The following RAB37 variants were observed in gnomAD, a reference collection of about 807,000 sequenced individuals.
RAB37 encodes the protein RAB37, member RAS oncogene family, also known as ras-related protein Rab-37.
RAB37 carries 29 observed loss-of-function variants against 33.1 expected under a neutral mutation model. The ratio of observed to expected loss-of-function variants is 0.88; its 90% CI spans 0.65 to 1.20. RAB37 has a LOEUF of 1.20. Among genes scored for constraint, RAB37 ranks in the 50% most tolerant of loss-of-function variants. RAB37 has a pLI of 0.00. For missense variants in RAB37, 299 were observed against 301.1 expected, an observed-to-expected ratio of 0.99 and a Z score of 0.05; for synonymous variants, 128 against 119.5, an observed-to-expected ratio of 1.07 and a Z score of -0.47.
intron 1 of RAB37, among the ~76,000 whole-genome samples, chr17:74,690,481 C>T (rs1448483781): frequency 2.0e-5 from 3 of 152,308 alleles, no homozygotes; most frequent in African/African-American, 7.2e-5. Context: ...TTGCAATAAA[C>T]GTGCTGGCCA....
intron 1 of RAB37, among the ~76,000 whole-genome samples, chr17:74,684,892 GAT>G (rs1436750158): frequency 1.3e-5 from 2 of 151,846 alleles, no homozygotes; most frequent in African/African-American, 4.8e-5. Flanking sequence ...TAGATAGATA[GAT>G]AGATAGATCC....
At position 74,671,953 on chromosome 17, in the gene RAB37, C is replaced by A. The variant is rs1379301542; in HGVS notation, c.72+295C>A. Among the ~76,000 whole-genome samples the A allele has an allele frequency of 6.6e-6, 1 of 152,098 alleles. No homozygotes were observed. Among genetic ancestry groups the A allele is most frequent in the Non-Finnish European group, 1.5e-5 (1 of 68,002 alleles). ...TTGCCTATTTATGCCCCTGGGTGAC[C>A]CCTGGCACCTTGCTCTCCTAACCCT... On this transcript the variant is annotated intron_variant, in intron 1 of 7. Coordinates refer to the RAB37 transcript ENST00000340415. This position sits in a 1 kb window ranked among gnomAD's most constrained non-coding sequence, Gnocchi z 5.0.
Position 74,745,378 on chromosome 17 carries a change from G to A in RAB37, c.639G>A (p.Gln213=). Residue 213 remains glutamine, a synonymous_variant, in exon 9 of 9, where the codon CAG becomes CAA. Transcript: ENST00000392613. This position sits in a 1 kb window ranked among gnomAD's most constrained non-coding sequence, Gnocchi z 4.5. The stretch of plus-strand genomic sequence containing the variant: ...AGATCCGAGACTATGTAGAGTCCCA[G>A]AAGAAGCGCTCCAGCTGCTGCTCCT... ...SFQIRDYVES[Q]KKRSSCCSFM is the part of the protein sequence containing the mutation. The A allele has an allele frequency of 6.2e-7, 1 of 1,614,134 alleles. No homozygotes were observed. Among genetic ancestry groups the A allele is most frequent in the South Asian group, 1.1e-5 (1 of 91,086 alleles).
intron 1 of RAB37, among the ~76,000 whole-genome samples, chr17:74,725,153 C>T (rs1428350938): frequency 1.3e-5 from 2 of 152,216 alleles, no homozygotes; most frequent in Middle Eastern, 3.2e-3. Flanking sequence ...AAGTTCCACA[C>T]TAAAATGTGG....
At chr17:74,700,739 A>G (rs2032972607) in intron 1 of RAB37, among the ~76,000 whole-genome samples, 1 of 152,118 alleles carries the variant, frequency 6.6e-6, no homozygotes, top group Admixed American at 6.5e-5. Context: ...GTGACAGAGC[A>G]ACACTCCGTC....
At chr17:74,695,129 C>T in intron 1 of RAB37, 2 of 1,614,118 alleles carry the variant, frequency 1.2e-6, no homozygotes, top group Non-Finnish European at 1.7e-6. Context: ...ATTCCGTGGG[C>T]TCCTCAGGGC....
intron 1 of RAB37, among the ~76,000 whole-genome samples, chr17:74,722,282 CAAA>C (rs375629072): frequency 1.5e-4 from 10 of 65,568 alleles, no homozygotes; most frequent in Admixed American, 3.7e-4. Context: ...GACTCTGTCT[CAAA>C]AAAAAAAAAA....
intron 1 of RAB37, among the ~76,000 whole-genome samples, chr17:74,688,276 G>A (rs998630177): frequency 2.0e-5 from 3 of 152,194 alleles, no homozygotes; most frequent in African/African-American, 4.8e-5. Flanking sequence ...TTGGCCGGGC[G>A]TGGTGGCTCA....
intron 1 of RAB37, among the ~76,000 whole-genome samples, chr17:74,700,818 C>T (rs2032983982): frequency 6.6e-6 from 1 of 152,084 alleles, no homozygotes; most frequent in Non-Finnish European, 1.5e-5. Flanking sequence ...ACCCCCCCAC[C>T]CCAATCCATA....
chr17:74,681,521 A>G lies in RAB37; in HGVS notation c.72+9863A>G, dbSNP rs112120890. On this transcript the variant is annotated intron_variant, in intron 1 of 7. Coordinates refer to the RAB37 transcript ENST00000340415. The stretch of plus-strand genomic sequence containing the variant: ...CCCTTCCATGACCATCTCCAAAGAC[A>G]TGGGCTGAAAAACACTCAACCAAAC... Among the ~76,000 whole-genome samples, 788 of 152,310 alleles carry G rather than the reference A, an allele frequency of 5.2e-3. 9 individuals are homozygous for G. The highest frequency in any genetic ancestry group is 0.018 in the East Asian group (93 of 5,182).
At chr17:74,734,991 G>A (rs947549847), upstream of RAB37, among the ~76,000 whole-genome samples, 28 of 102,382 alleles carry the variant, frequency 2.7e-4, no homozygotes, top group Non-Finnish European at 5.3e-4. Context: ...GAAAAAGAAA[G>A]GAAGAAAGAA....
At chr17:74,673,780 G>A (rs2031759115) in intron 1 of RAB37, among the ~76,000 whole-genome samples, 1 of 152,138 alleles carries the variant, frequency 6.6e-6, no homozygotes, top group South Asian at 2.1e-4. Flanking sequence ...GGCTGTGTGA[G>A]CACCCTGAGA....
Position 74,675,220 on chromosome 17 carries a change from A to G in RAB37, c.72+3562A>G, listed in dbSNP as rs183224834. On this transcript the variant is annotated intron_variant, in intron 1 of 7. Coordinates refer to the RAB37 transcript ENST00000340415. ...GGGAGGCCAAGGAGGATGAATCATG[A>G]GGTCAGGAGATCGAGACCATCCTGG... Among the ~76,000 whole-genome samples, 456 of 152,232 alleles carry G rather than the reference A, an allele frequency of 3.0e-3. 3 individuals are homozygous for G. The highest frequency in any genetic ancestry group is 0.022 in the South Asian group (107 of 4,822).
Position 74,745,601 on chromosome 17 carries a change from A to G in RAB37, c.*190A>G, listed in dbSNP as rs2034742914. On this transcript the variant is annotated 3_prime_UTR_variant, in exon 9 of 9. Coordinates refer to ENST00000392613, the MANE Select transcript of RAB37 (RefSeq NM_001006638.3). The surrounding 1 kb of genome is among the most constrained non-coding windows in gnomAD (Gnocchi z 4.5). ...CTGCGGTCTCCCCGCATCCACAGGGAGGGTAAAACACTTAGCTTTTATTTT... is the reference window on the plus strand; with the variant it reads ...CTGCGGTCTCCCCGCATCCACAGGGGGGGTAAAACACTTAGCTTTTATTTT... 12 of 583,040 alleles carry G rather than the reference A, an allele frequency of 2.1e-5. No homozygotes were observed. The East Asian group carries it at 3.4e-4, about 17-fold the overall frequency. The allele number at this position is 583,040 out of a possible 1,614,324, so 36.1% of individuals were successfully genotyped here.
rs1320026989 is a variant in RAB37, at chr17:74,746,610, T to TTAA, written c.*1200_*1202dup. 1 of 152,124 alleles carries TTAA rather than the reference T, an allele frequency of 6.6e-6. No individual in the cohort carries two copies. Among genetic ancestry groups the TTAA allele is most frequent in the Non-Finnish European group, 1.5e-5 (1 of 68,012 alleles). 9.4% of individuals were successfully genotyped at this position (152,124 alleles called of 1,614,324 possible). On this transcript the variant is annotated 3_prime_UTR_variant, in exon 9 of 9. Transcript: ENST00000392613. The surrounding 1 kb of genome is among the most constrained non-coding windows in gnomAD (Gnocchi z 5.2). ...AGCTGAAGTGTTTAGCCCTCCTGGG[T>TTAA]TAAGAGCCAGATAAGGAGAAATCCC...
At chr17:74,735,409 A>G (rs968912283), upstream of RAB37, among the ~76,000 whole-genome samples, 2 of 152,170 alleles carry the variant, frequency 1.3e-5, no homozygotes, top group Non-Finnish European at 2.9e-5. Context: ...GGTGGCGTGC[A>G]CCTGTAGTCC....
rs1267855741 is a variant in RAB37, at chr17:74,729,084, T to C, written c.73-172T>C. On this transcript the variant is annotated intron_variant, in intron 1 of 7. Transcript: ENST00000340415. The surrounding 1 kb of genome is among the most constrained non-coding windows in gnomAD (Gnocchi z 4.2). ...GTTCTGTGTATGTGTGTACATGTTT[T>C]TCTATGTCTGTATGTGTGTGTCAGT... 6.6e-6 allele frequency among the ~76,000 whole-genome samples: 1 copy of C among 152,040 alleles called. No homozygotes were observed. Among genetic ancestry groups the C allele is most frequent in the Non-Finnish European group, 1.5e-5 (1 of 68,006 alleles).
chr17:74,728,833 ATG>A (rs1293597170), intron 1 of RAB37, among the ~76,000 whole-genome samples: 1 of 145,454 alleles, frequency 6.9e-6, no homozygotes, highest in South Asian at 2.2e-4. Context: ...CTGTGTCTGT[ATG>A]TGTCTTGTGC....
Position 74,744,459 on chromosome 17 carries a change from G to A in RAB37, c.432+86G>A, listed in dbSNP as rs12601879. ...ATAACCACCCAAGAACAGTTATCTA[G>A]GCATCCTTCCTGAAAAGGACTCTGC... is the stretch of plus-strand genomic sequence containing the variant. On this transcript the variant is annotated intron_variant, in intron 6 of 8. Coordinates refer to ENST00000392613, the MANE Select transcript of RAB37 (RefSeq NM_001006638.3). This position sits in a 1 kb window ranked among gnomAD's most constrained non-coding sequence, Gnocchi z 4.2. 0.012 allele frequency: 15,919 copies of A among 1,306,116 alleles called. 1,109 individuals are homozygous for A. The East Asian group carries it at 0.22, about 18-fold the overall frequency. 80.9% of individuals were successfully genotyped at this position (1,306,116 alleles called of 1,614,324 possible).
Sources: allele counts gnomAD v4.1 joint callset (sites outside exome capture counted in the v4.1 genomes callset), GRCh38; gene constraint gnomAD v4.1.1; non-coding constraint Gnocchi (gnomAD v3.1); transcripts MANE v1.5; gene names NCBI Gene and HGNC (gene_info 2026-07-23, HGNC 2026-07-21).